The following EEF1AKMT2 variants were observed in gnomAD, a reference collection of about 807,000 sequenced individuals.
The protein encoded by EEF1AKMT2 is EEF1A lysine methyltransferase 2, also known as eukaryotic translation elongation factor 1 alpha lysine methyltransferase 2.
EEF1AKMT2 carries 32 observed loss-of-function variants against 35.8 expected under a neutral mutation model. The observed-to-expected ratio is 0.89, with a 90% CI of 0.67 to 1.20. The LOEUF is 1.20. Among genes scored for constraint, EEF1AKMT2 ranks in the 50% most tolerant of loss-of-function variants. The pLI is 0.00. For missense variants in EEF1AKMT2, 330 were observed against 347.5 expected (o/e 0.95, Z 0.40); for synonymous variants, 121 against 133.7 (o/e 0.91, Z 0.65).
At chr10:124,761,048 A>G (rs1950327193) in intron 6 of EEF1AKMT2, among the ~76,000 whole-genome samples, 1 of 152,176 alleles carries the variant, frequency 6.6e-6, no homozygotes, top group Non-Finnish European at 1.5e-5. Context: ...TTCATATTTT[A>G]GTAGAGACAG....
rs570569123 is a variant in EEF1AKMT2 at position 124,775,328 on chromosome 10, G to A, written c.292-546C>T. 3.3e-5 allele frequency among the ~76,000 whole-genome samples: 5 copies of A among 152,242 alleles called. No individual in the cohort carries two copies. The South Asian group carries it at 1.0e-3, about 32-fold the overall frequency. ...CCCATTAGATCTTTACAGAAAACCT[G>A]TGAGGTAGGGTGGGCAGGTATCAGT... On this transcript the variant is annotated intron_variant, in intron 3 of 6. Transcript: ENST00000368836.
intron 3 of EEF1AKMT2, among the ~76,000 whole-genome samples, chr10:124,785,404 A>T (rs1950576262): frequency 6.6e-6 from 1 of 152,142 alleles, no homozygotes; most frequent in African/African-American, 2.4e-5. Flanking sequence ...ATTGGACTTC[A>T]TCAAAATTAA....
Position 124,790,288 on chromosome 10 carries a change from T to A in EEF1AKMT2, c.161A>T (p.Asp54Val), listed in dbSNP as rs1950623097. 6.2e-7 allele frequency: 1 copy of A among 1,611,006 alleles called. No homozygotes were observed. The highest frequency in any genetic ancestry group is 2.2e-5 in the East Asian group (1 of 44,840). ...RELQTFREYG[D>V]TGEIWFGEES... The stretch of plus-strand genomic sequence containing the variant: ...CCTAACTCACCAGATTTCACCTGTA[T>A]CTCCATATTCTCGGAAAGTTTGCAG... The change falls in exon 2 of 7, where the codon GAT becomes GTT. Residue 54 changes from aspartate to valine, a missense_variant. Coordinates refer to ENST00000368836, the MANE Select transcript of EEF1AKMT2 (RefSeq NM_212554.4).
At position 124,782,350 on chromosome 10, in the gene EEF1AKMT2, A is replaced by AG. The variant is rs776653760; in HGVS notation, c.291+6692dup. 3.3e-5 allele frequency among the ~76,000 whole-genome samples: 5 copies of AG among 152,172 alleles called. No homozygotes were observed. The Middle Eastern group carries it at 0.014, about 414-fold the overall frequency. On this transcript the variant is annotated intron_variant, in intron 3 of 6. Coordinates refer to ENST00000368836, the MANE Select transcript of EEF1AKMT2 (RefSeq NM_212554.4). ...GTAATCCCAGCACTTTGGGAGGCCGAGGCGGGAGGATCACGAGGTCAGGAG... is the reference window on the plus strand; with the variant it reads ...GTAATCCCAGCACTTTGGGAGGCCGAGGGCGGGAGGATCACGAGGTCAGGAG...
intron 2 of EEF1AKMT2, among the ~76,000 whole-genome samples, chr10:124,789,634 A>G (rs963808156): frequency 4.6e-5 from 7 of 152,090 alleles, no homozygotes; most frequent in Admixed American, 4.6e-4. Context: ...ATGCAGCTAT[A>G]GTCCCAGCTA....
At chr10:124,774,084 T>C (rs906881722) in intron 4 of EEF1AKMT2, among the ~76,000 whole-genome samples, 1 of 152,100 alleles carries the variant, frequency 6.6e-6, no homozygotes, top group Non-Finnish European at 1.5e-5. Flanking sequence ...CCTTTTGATG[T>C]GGGCAGGGCG....
At chr10:124,771,308 C>G (rs2134127795) in intron 4 of EEF1AKMT2, among the ~76,000 whole-genome samples, 2 of 151,730 alleles carry the variant, frequency 1.3e-5, no homozygotes, top group East Asian at 2.0e-4. Context: ...ACCATGTTAG[C>G]CAGGATGGTC....
At chr10:124,765,818 T>C (rs1383791449) in intron 4 of EEF1AKMT2, 2 of 475,152 alleles carry the variant, frequency 4.2e-6, no homozygotes, top group Admixed American at 7.6e-5. Context: ...AGACTGGTAT[T>C]TCCTGAACAT....
chr10:124,783,388 C>T (rs1950559739), intron 3 of EEF1AKMT2, among the ~76,000 whole-genome samples: 1 of 152,114 alleles, frequency 6.6e-6, no homozygotes, highest in Non-Finnish European at 1.5e-5. Flanking sequence ...AAGTGATCCA[C>T]CGGCCTTGGC....
At chr10:124,771,275 A>AT (rs1363106335) in intron 4 of EEF1AKMT2, among the ~76,000 whole-genome samples, 2 of 151,742 alleles carry the variant, frequency 1.3e-5, no homozygotes, top group South Asian at 2.1e-4. Flanking sequence ...AATTCTTTGT[A>AT]TTTTTAGTAG....
chr10:124,777,356 T>A (rs1022669811), intron 3 of EEF1AKMT2, among the ~76,000 whole-genome samples: 8 of 151,484 alleles, frequency 5.3e-5, no homozygotes, highest in African/African-American at 1.9e-4. Flanking sequence ...CACACAGTCA[T>A]GTGTCACCAT....
chr10:124,782,998 A>G (rs1199356428), intron 3 of EEF1AKMT2: 1 of 422,226 alleles, frequency 2.4e-6, no homozygotes, highest in South Asian at 1.7e-5. Context: ...CAAATATAAT[A>G]ATAAGGTAAG....
intron 3 of EEF1AKMT2, among the ~76,000 whole-genome samples, chr10:124,785,692 G>A (rs992148967): frequency 2.0e-5 from 3 of 151,800 alleles, no homozygotes; most frequent in Admixed American, 1.3e-4. Context: ...TCAGGAGTTC[G>A]AGACCAGCCT....
In EEF1AKMT2 at chr10:124,760,510, G is replaced by A. The variant is rs1158029061; in HGVS notation, c.*-7C>T. On this transcript the variant is annotated splice_region_variant and splice_polypyrimidine_tract_variant and intron_variant, in intron 6 of 6. Transcript: ENST00000368836. The stretch of plus-strand genomic sequence containing the variant: ...TCTTCGAGAAGTTCAAATCCTGTCA[G>A]ACAAAATTTAAATACTTTTATTAAG... 3.7e-6 allele frequency: 6 copies of A among 1,610,894 alleles called. No homozygotes were observed. The highest frequency in any genetic ancestry group is 5.1e-6 in the Non-Finnish European group (6 of 1,177,444).
At chr10:124,787,203 C>T (rs989616918) in intron 3 of EEF1AKMT2, among the ~76,000 whole-genome samples, 4 of 152,092 alleles carry the variant, frequency 2.6e-5, no homozygotes, top group African/African-American at 9.7e-5. Context: ...CTGCCTTGGC[C>T]TCCCAAAGCG....
chr10:124,784,136 T>C (rs1000630173), intron 3 of EEF1AKMT2, among the ~76,000 whole-genome samples: 1 of 152,174 alleles, frequency 6.6e-6, no homozygotes, highest in Non-Finnish European at 1.5e-5. Flanking sequence ...ACATACATTT[T>C]TCAAGTTCAC....
At chr10:124,784,317 T>C (rs1428671079) in intron 3 of EEF1AKMT2, among the ~76,000 whole-genome samples, 1 of 151,986 alleles carries the variant, frequency 6.6e-6, no homozygotes, top group African/African-American at 2.4e-5. Flanking sequence ...ACATGGAAAT[T>C]AAACAAATTT....
intron 3 of EEF1AKMT2, among the ~76,000 whole-genome samples, chr10:124,781,989 T>G (rs1950543930): frequency 6.6e-6 from 1 of 152,142 alleles, no homozygotes; most frequent in African/African-American, 2.4e-5. Flanking sequence ...AAAATACTGA[T>G]TCCAAGGAGA....
At position 124,774,858 on chromosome 10, in the gene EEF1AKMT2, A is replaced by G. The variant is rs1950475049; in HGVS notation, c.292-76T>C. The G allele has an allele frequency of 7.9e-6, 5 of 629,444 alleles. No homozygotes were observed. In the South Asian group the frequency reaches 1.4e-4, roughly 18 times the overall value. 39.0% of individuals were successfully genotyped at this position (629,444 alleles called of 1,614,324 possible). A position where few individuals can be genotyped will look rare whatever the true frequency, so the allele number is the denominator to read the frequency against. ...TGTTTATGAATTATAATATTCCTTTAGGACTGGTGATGTCTTATTTTTGAT... is the reference window on the plus strand; with the variant it reads ...TGTTTATGAATTATAATATTCCTTTGGGACTGGTGATGTCTTATTTTTGAT... On this transcript the variant is annotated intron_variant, in intron 3 of 6. Coordinates refer to ENST00000368836, the MANE Select transcript of EEF1AKMT2 (RefSeq NM_212554.4).
Sources: gnomAD v4.1 joint callset for allele counts (sites outside exome capture counted in the v4.1 genomes callset) on GRCh38, gnomAD v4.1.1 for gene constraint, MANE v1.5 for transcripts, NCBI Gene and HGNC (gene_info 2026-07-23, HGNC 2026-07-21) for gene names.